Variants in NGEF observed in about 807,000 individuals in gnomAD.
NGEF encodes the protein neuronal guanine nucleotide exchange factor.
A neutral mutation model predicts 80.9 loss-of-function variants in NGEF; 31 were observed. The ratio of observed to expected loss-of-function variants is 0.38; its 90% CI spans 0.29 to 0.52. NGEF has a LOEUF of 0.52. Ranked by LOEUF, NGEF falls within the 20% of genes least tolerant of loss-of-function variation. The pLI is 0.84. For missense variants in NGEF, 709 were observed against 926.2 expected (o/e 0.77, Z 3.04); for synonymous variants, 371 against 370.2 (o/e 1.00, Z -0.03).
At position 232,974,896 on chromosome 2, in the gene NGEF, T is replaced by C. The variant is rs766297092; in HGVS notation, c.-6A>G. ...TCAGATTCCCTGGTCTCCATGGAAA[T>C]AGAGCCAGATGTTTCTCAGCAGAAC... On this transcript the variant is annotated 5_prime_UTR_variant, in exon 2 of 15. Coordinates refer to ENST00000264051, the MANE Select transcript of NGEF (RefSeq NM_019850.3). 1 of 1,611,996 alleles carries C rather than the reference T, an allele frequency of 6.2e-7. No homozygotes were observed. The highest frequency in any genetic ancestry group is 8.5e-7 in the Non-Finnish European group (1 of 1,179,276).
At chr2:232,962,100 T>C (rs1693964676) in intron 3 of NGEF, among the ~76,000 whole-genome samples, 1 of 152,244 alleles carries the variant, frequency 6.6e-6, no homozygotes, top group Non-Finnish European at 1.5e-5. Flanking sequence ...TCGGGTAGGC[T>C]TCTGATCTTT....
chr2:232,970,447 G>A (rs1365401349), intron 2 of NGEF, 119 bp from the exon 3 acceptor site: 19 of 643,082 alleles, frequency 3.0e-5, no homozygotes, highest in Non-Finnish European at 4.6e-5. Flanking sequence ...AGCAGAGTGG[G>A]AAGGGGTGTC....
At chr2:232,926,754 T>C (rs1372364156) in intron 4 of NGEF, among the ~76,000 whole-genome samples, 1 of 152,128 alleles carries the variant, frequency 6.6e-6, no homozygotes, top group Admixed American at 6.5e-5. Context: ...CTGGCAGAAG[T>C]GATAAGGGGT....
intron 3 of NGEF, among the ~76,000 whole-genome samples, chr2:232,949,482 C>CTAT (rs1693631082): frequency 2.0e-5 from 3 of 147,132 alleles, no homozygotes. Context: ...TGCACTCTTT[C>CTAT]TTTTTTTTTT....
intron 5 of NGEF, among the ~76,000 whole-genome samples, chr2:232,899,693 CAT>C (rs1195097138): frequency 4.4e-5 from 4 of 91,466 alleles, no homozygotes; most frequent in Admixed American, 1.3e-4. Context: ...CTCATACACA[CAT>C]TCACTCACAC....
rs770760419 is a variant in NGEF at position 232,888,036 on chromosome 2, T to A, written c.1344A>T (p.Glu448Asp). 5.0e-6 allele frequency: 8 copies of A among 1,613,584 alleles called. No individual in the cohort carries two copies. Among genetic ancestry groups the A allele is most frequent in the Admixed American group, 1.7e-5 (1 of 60,000 alleles). The change falls in exon 9 of 15, where the codon GAA becomes GAT. Residue 448 changes from glutamate (E) to aspartate (D), a missense_variant. By Grantham distance (45) the Glu-to-Asp change is conservative (BLOSUM62 2). Coordinates refer to ENST00000264051, the MANE Select transcript of NGEF (RefSeq NM_019850.3). The part of the protein sequence containing the change: ...CTALDAHKEL[E>D]MVVKACNEGV... Reference sequence around the variant, plus strand: ...CACAAGAGGAGGTGAGACTCACCATTTCCAGCTCCTTGTGAGCATCCAAAG... The same window carrying A: ...CACAAGAGGAGGTGAGACTCACCATATCCAGCTCCTTGTGAGCATCCAAAG...
At chr2:232,886,064 T>C (rs140686074) in intron 9 of NGEF, among the ~76,000 whole-genome samples, 1 of 97,152 alleles carries the variant, frequency 1.0e-5, no homozygotes, top group Admixed American at 1.0e-4. Context: ...CCACAAGCCC[T>C]TTTTGTAAAG....
At chr2:232,881,307 C>T in intron 13 of NGEF, 57 bp from the exon 14 acceptor site, 1 of 1,362,824 alleles carries the variant, frequency 7.3e-7, no homozygotes, top group South Asian at 1.2e-5. Flanking sequence ...CCTGCACACT[C>T]CCACCAAGCC....
chr2:232,982,686 G>A (rs1161801977), intron 1 of NGEF, among the ~76,000 whole-genome samples: 1 of 152,170 alleles, frequency 6.6e-6, no homozygotes, highest in Non-Finnish European at 1.5e-5. Context: ...GCTAATTTTT[G>A]TATTTTTAGT....
intron 1 of NGEF, among the ~76,000 whole-genome samples, chr2:232,996,330 G>GACA (rs939491330): frequency 2.5e-4 from 38 of 152,074 alleles, no homozygotes; most frequent in Non-Finnish European, 4.6e-4. Flanking sequence ...TTTGTCTCAA[G>GACA]ACAACAACAA....
intron 3 of NGEF, among the ~76,000 whole-genome samples, chr2:232,956,065 C>T (rs892168123): frequency 6.6e-6 from 1 of 152,162 alleles, no homozygotes; most frequent in Non-Finnish European, 1.5e-5. Flanking sequence ...GTGCTGGACC[C>T]TGTCTACTGT....
In NGEF at chr2:232,962,922, C is replaced by G. The variant is rs140688320; in HGVS notation, c.383+7292G>C. Among the ~76,000 whole-genome samples, 13 of 151,918 alleles carry G rather than the reference C, an allele frequency of 8.6e-5. 1 individual carries two copies. Among genetic ancestry groups the G allele is most frequent in the Middle Eastern group, 3.4e-3 (1 of 292 alleles). On this transcript the variant is annotated intron_variant, in intron 3 of 14. Transcript: ENST00000264051. ...ATACAATATGTTGTTTTGAAATATA[C>G]ATACCTTGTGGAATGACTAAGTCAA...
At chr2:232,884,248 C>T in intron 10 of NGEF, 104 bp from the exon 11 acceptor site, 1 of 1,299,180 alleles carries the variant, frequency 7.7e-7, no homozygotes, top group Non-Finnish European at 1.0e-6. Context: ...CTGCCCAGGG[C>T]CCCGACACAT....
intron 1 of NGEF, among the ~76,000 whole-genome samples, chr2:233,007,260 A>G (rs1695103843): frequency 6.6e-6 from 1 of 152,182 alleles, no homozygotes; most frequent in Admixed American, 6.5e-5. Flanking sequence ...ATAAATAAAT[A>G]AATACAATTC....
chr2:232,947,780 G>T (rs766520870), intron 3 of NGEF, among the ~76,000 whole-genome samples: 11 of 152,168 alleles, frequency 7.2e-5, no homozygotes, highest in Non-Finnish European at 1.3e-4. Flanking sequence ...CTAAGAAGCA[G>T]ACAAATTCAC....
chr2:232,939,643 C>A (rs1485674481), intron 3 of NGEF, among the ~76,000 whole-genome samples: 1 of 152,150 alleles, frequency 6.6e-6, no homozygotes, highest in African/African-American at 2.4e-5. Context: ...GAAACAACTA[C>A]CTCACCCTTA....
intron 12 of NGEF, 146 bp from the exon 13 acceptor site, chr2:232,882,411 G>C (rs1233727964): frequency 6.9e-6 from 5 of 726,832 alleles, no homozygotes; most frequent in African/African-American, 1.7e-5. Context: ...ACAGCTCGGG[G>C]GAGCCACAGA....
intron 1 of NGEF, among the ~76,000 whole-genome samples, chr2:233,007,528 G>A (rs908835992): frequency 3.9e-5 from 6 of 152,184 alleles, no homozygotes; most frequent in Non-Finnish European, 7.3e-5. Context: ...GATGCACACC[G>A]GGGGCTTTTA....
At chr2:232,916,199 C>G (rs1471379685) in intron 5 of NGEF, among the ~76,000 whole-genome samples, 1 of 152,216 alleles carries the variant, frequency 6.6e-6, no homozygotes, top group East Asian at 1.9e-4. Context: ...AGTGAGAGGG[C>G]ACATAAGCCC....
Sources: gnomAD v4.1 joint callset for allele counts (sites outside exome capture counted in the v4.1 genomes callset) on GRCh38, gnomAD v4.1.1 for gene constraint, MANE v1.5 for transcripts, NCBI Gene and HGNC (gene_info 2026-07-23, HGNC 2026-07-21) for gene names.